Variants in AQP9 observed in about 807,000 individuals in gnomAD.
AQP9 encodes aquaporin-9.
A neutral mutation model predicts 23.8 loss-of-function variants in AQP9; 19 were observed. That is an observed-to-expected ratio of 0.80 (90% CI 0.56 to 1.17). The LOEUF (loss-of-function observed/expected upper bound fraction) is 1.17. AQP9 is among the 50% of genes most tolerant of loss of function. The pLI, the probability that AQP9 is intolerant of heterozygous loss-of-function variation, is 0.00. For synonymous variants in AQP9, 153 were observed against 131.5 expected (o/e 1.16, Z -1.12); for missense variants, 413 against 362.0 (o/e 1.14, Z -1.14).
chr15:58,138,793 C>G (rs549769672), intron 1 of AQP9, 117 bp downstream of exon 1: 1 of 849,904 alleles, frequency 1.2e-6, no homozygotes, highest in Non-Finnish European at 1.8e-6. Context: ...TCAGATTCAT[C>G]TTTTCCAGGA....
At chr15:58,170,988 A>G (rs909332065) in intron 2 of AQP9, among the ~76,000 whole-genome samples, 2 of 151,324 alleles carry the variant, frequency 1.3e-5, no homozygotes, top group African/African-American at 4.9e-5. Context: ...GCAGTGGCGC[A>G]ATCTCTGCTC....
chr15:58,140,047 C>T (rs1476963219), intron 1 of AQP9, among the ~76,000 whole-genome samples: 1 of 152,198 alleles, frequency 6.6e-6, no homozygotes. Context: ...ACCCCTCTGT[C>T]ATGTTACTTG....
At chr15:58,154,901 C>A (rs1441313596) in intron 1 of AQP9, 1 of 152,352 alleles carries the variant, frequency 6.6e-6, no homozygotes, top group African/African-American at 2.4e-5. Context: ...CCTACATGGA[C>A]TATAACCATG....
chr15:58,140,618 C>T (rs1897935117), intron 1 of AQP9, among the ~76,000 whole-genome samples: 1 of 152,072 alleles, frequency 6.6e-6, no homozygotes, highest in Non-Finnish European at 1.5e-5. Flanking sequence ...AAAGTTTATC[C>T]AAAGTAATTT....
At position 58,173,162 on chromosome 15, in the gene AQP9, G is replaced by C. The variant is rs1319422024; in HGVS notation, c.333G>C (p.Leu111Phe). 2 of 1,614,040 alleles carry C rather than the reference G, an allele frequency of 1.2e-6. No individual in the cohort carries two copies. Among genetic ancestry groups the C allele is most frequent in the African/African-American group, 2.7e-5 (2 of 74,926 alleles). Reference sequence around the variant, plus strand: ...CATTTTATGTGGGAGCCCAGTTCTTGGGAGCCTTTGTGGGGGCTGCAACCG... The same window carrying C: ...CATTTTATGTGGGAGCCCAGTTCTTCGGAGCCTTTGTGGGGGCTGCAACCG... Reference protein sequence around the residue: ...KLPFYVGAQFLGAFVGAATVF... With the variant: ...KLPFYVGAQFFGAFVGAATVF... The change falls in exon 3 of 6, where the codon TTG becomes TTC. Residue 111 changes from leucine to phenylalanine, a missense_variant. Transcript: ENST00000219919.
Position 58,184,304 on chromosome 15 carries a change from A to G in AQP9, c.*169A>G. The G allele has an allele frequency of 1.5e-6, 1 of 668,394 alleles. No individual in the cohort carries two copies. Among genetic ancestry groups the G allele is most frequent in the Admixed American group, 3.1e-5 (1 of 32,732 alleles). The allele number at this position is 668,394 out of a possible 1,614,324, so 41.4% of individuals were successfully genotyped here. A position where few individuals can be genotyped will look rare whatever the true frequency, so the allele number is the denominator to read the frequency against. On this transcript the variant is annotated 3_prime_UTR_variant, in exon 6 of 6. Coordinates refer to ENST00000219919, the MANE Select transcript of AQP9 (RefSeq NM_020980.5). ...TCTGCATAAAAGTTTGGAAACAATG[A>G]CCACTTCTCTACCATTGTCCCCCAC... is the stretch of plus-strand genomic sequence containing the variant.
intron 1 of AQP9, among the ~76,000 whole-genome samples, chr15:58,143,253 A>T (rs1232886050): frequency 6.6e-6 from 1 of 152,230 alleles, no homozygotes. Context: ...AGTGCTAAAC[A>T]CTGGGGATTC....
rs7496568 is a variant in AQP9 at position 58,183,175 on chromosome 15, T to G, written c.714-786T>G. ...TGAAGTTTTGTGTTTTCCATTCCCC[T>G]GCTTTTTAAAAATACTTTTATCTTA... On this transcript the variant is annotated intron_variant, in intron 5 of 5. Coordinates refer to ENST00000219919, the MANE Select transcript of AQP9 (RefSeq NM_020980.5). Among the ~76,000 whole-genome samples the G allele has an allele frequency of 5.1e-3, 777 of 151,974 alleles. 7 individuals carry two copies. The highest frequency in any genetic ancestry group is 0.017 in the African/African-American group (723 of 41,404).
intron 1 of AQP9, among the ~76,000 whole-genome samples, chr15:58,158,271 G>A (rs181552742): frequency 5.9e-5 from 9 of 152,262 alleles, no homozygotes; most frequent in African/African-American, 1.4e-4. Flanking sequence ...GGCATTGGTT[G>A]CATCTGATGA....
intron 1 of AQP9, among the ~76,000 whole-genome samples, chr15:58,164,403 T>C (rs560180990): frequency 1.3e-5 from 2 of 152,318 alleles, no homozygotes; most frequent in South Asian, 4.1e-4. Flanking sequence ...TTATTCCTCA[T>C]TTTAGGAGAT....
At chr15:58,165,751 G>T (rs970483496) in intron 1 of AQP9, among the ~76,000 whole-genome samples, 1 of 152,018 alleles carries the variant, frequency 6.6e-6, no homozygotes, top group Non-Finnish European at 1.5e-5. Context: ...TCTCAATATG[G>T]ATTTCATTCT....
intron 1 of AQP9, chr15:58,155,847 C>T (rs146375948): frequency 2.4e-4 from 36 of 152,236 alleles, no homozygotes; most frequent in African/African-American, 8.7e-4. Context: ...GCCCTTATAT[C>T]TTCCATTCTT....
rs1897894569 is a variant in AQP9 at position 58,138,446 on chromosome 15, C to G, written c.-120C>G. ...GCATTTGTACAGTCAGAGACTCTTA[C>G]CAGACATCTCCAGGAATCTGTGAGC... On this transcript the variant is annotated 5_prime_UTR_variant, in exon 1 of 6. Transcript: ENST00000219919. 1 of 717,454 alleles carries G rather than the reference C, an allele frequency of 1.4e-6. No individual in the cohort carries two copies. The highest frequency in any genetic ancestry group is 2.4e-6 in the Non-Finnish European group (1 of 424,996). 44.4% of individuals were successfully genotyped at this position (717,454 alleles called of 1,614,324 possible).
intron 1 of AQP9, among the ~76,000 whole-genome samples, chr15:58,142,368 A>G (rs935547389): frequency 6.6e-6 from 1 of 152,220 alleles, no homozygotes; most frequent in Non-Finnish European, 1.5e-5. Context: ...GATGAGAATT[A>G]ACTCCTTTCA....
intron 3 of AQP9, 81 bp from the exon 4 acceptor site, chr15:58,174,837 T>A: frequency 8.6e-7 from 1 of 1,158,898 alleles, no homozygotes; most frequent in South Asian, 1.3e-5. Context: ...GAGTGACTGG[T>A]TGTTTAGCAC....
chr15:58,162,314 G>A (rs1898400706), intron 1 of AQP9, among the ~76,000 whole-genome samples: 1 of 152,198 alleles, frequency 6.6e-6, no homozygotes, highest in Non-Finnish European at 1.5e-5. Context: ...AGGGCATTAT[G>A]CCCCTCCACT....
At position 58,172,205 on chromosome 15, in the gene AQP9, G is replaced by A. The variant is rs142995803; in HGVS notation, c.239-863G>A. On this transcript the variant is annotated intron_variant, in intron 2 of 5. Coordinates refer to ENST00000219919, the MANE Select transcript of AQP9 (RefSeq NM_020980.5). ...TGTAGCCTTAAGAAACTTACTTTCC[G>A]TCCATGCCTCAGTTTTCTCATCCGT... 3.8e-3 allele frequency among the ~76,000 whole-genome samples: 579 copies of A among 152,216 alleles called. 1 individual carries two copies. The highest frequency in any genetic ancestry group is 0.013 in the African/African-American group (539 of 41,526).
chr15:58,149,996 G>A (rs190555501), intron 1 of AQP9, among the ~76,000 whole-genome samples: 2 of 152,216 alleles, frequency 1.3e-5, no homozygotes, highest in Non-Finnish European at 2.9e-5. Flanking sequence ...TATCACCATG[G>A]TATCTGCAAG....
At chr15:58,143,730 G>T (rs1897991129) in intron 1 of AQP9, among the ~76,000 whole-genome samples, 1 of 152,084 alleles carries the variant, frequency 6.6e-6, no homozygotes, top group Admixed American at 6.5e-5. Context: ...TTGGGAACAT[G>T]TATGACTGGT....
Sources: allele counts gnomAD v4.1 joint callset (sites outside exome capture counted in the v4.1 genomes callset), GRCh38; gene constraint gnomAD v4.1.1; transcripts MANE v1.5; gene names NCBI Gene and HGNC (gene_info 2026-07-23, HGNC 2026-07-21).